The following DIP2C variants were observed in gnomAD, a reference collection of about 807,000 sequenced individuals.
The protein encoded by DIP2C is DIP2 acetate--CoA ligase C (putative).
A neutral mutation model predicts 192.4 loss-of-function variants in DIP2C; 33 were observed. That is an observed-to-expected ratio of 0.17 (90% CI 0.13 to 0.23). The LOEUF is 0.23. Ranked by LOEUF, DIP2C falls within the 10% of genes least tolerant of loss-of-function variation. The pLI is 1.00. For synonymous variants in DIP2C, 979 were observed against 864.1 expected, an observed-to-expected ratio of 1.13 and a Z score of -2.33; for missense variants, 1,537 against 2,110.1, an observed-to-expected ratio of 0.73 and a Z score of 5.32.
intron 4 of DIP2C, among the ~76,000 whole-genome samples, chr10:433,967 T>C (rs1193203726): frequency 6.6e-6 from 1 of 152,138 alleles, no homozygotes; most frequent in Non-Finnish European, 1.5e-5. Context: ...ATCATATCAG[T>C]TACTTTTTTT....
intron 3 of DIP2C, among the ~76,000 whole-genome samples, chr10:469,594 G>A (rs1391233003): frequency 6.6e-6 from 1 of 152,170 alleles, no homozygotes; most frequent in Non-Finnish European, 1.5e-5. Flanking sequence ...TGGGACTACA[G>A]GCATGAGCCA....
intron 31 of DIP2C, among the ~76,000 whole-genome samples, chr10:316,584 A>G (rs538131760): frequency 2.7e-4 from 41 of 152,284 alleles, no homozygotes; most frequent in African/African-American, 9.6e-4. Flanking sequence ...TTGAAGTGTG[A>G]GTGGAGTTCC....
intron 29 of DIP2C, among the ~76,000 whole-genome samples, chr10:339,034 G>A (rs919050667): frequency 6.6e-5 from 10 of 151,868 alleles, no homozygotes; most frequent in Non-Finnish European, 7.4e-5. Flanking sequence ...CACCCTGCGC[G>A]GCTGCCCCCA....
chr10:293,489 T>TA (rs1164124002), intron 32 of DIP2C, among the ~76,000 whole-genome samples: 1 of 152,180 alleles, frequency 6.6e-6, no homozygotes, highest in Non-Finnish European at 1.5e-5. Context: ...AAATACCCAA[T>TA]ATAATAAGAC....
chr10:490,624 A>T (rs554842511), intron 1 of DIP2C, among the ~76,000 whole-genome samples: 9 of 152,220 alleles, frequency 5.9e-5, no homozygotes, highest in African/African-American at 1.9e-4. Flanking sequence ...TCCAAACAGC[A>T]TATTTTCCTG....
chr10:532,646 G>GGT (rs1380426008), intron 1 of DIP2C, among the ~76,000 whole-genome samples: 1 of 101,742 alleles, frequency 9.8e-6, no homozygotes, highest in African/African-American at 5.0e-5. Flanking sequence ...AGAGAGTATG[G>GGT]GTGTGAGAGA....
intron 1 of DIP2C, among the ~76,000 whole-genome samples, chr10:619,640 C>T (rs1237522580): frequency 6.6e-6 from 1 of 151,164 alleles, no homozygotes; most frequent in Non-Finnish European, 1.5e-5. Context: ...AGCTGTGAAC[C>T]TGGTTACCCT....
chr10:321,277 A>T (rs1956996687), intron 31 of DIP2C, among the ~76,000 whole-genome samples: 1 of 152,222 alleles, frequency 6.6e-6, no homozygotes, highest in Admixed American at 6.5e-5. Context: ...ACTGCTCAGG[A>T]GCACCGGTGA....
chr10:516,262 G>C (rs192785252), intron 1 of DIP2C, among the ~76,000 whole-genome samples: 2 of 108,364 alleles, frequency 1.8e-5, no homozygotes, highest in African/African-American at 7.6e-5. Flanking sequence ...ACCTGTTGTT[G>C]ACCTGCTTTC....
chr10:313,290 C>A (rs1956637071), intron 31 of DIP2C, among the ~76,000 whole-genome samples: 1 of 152,142 alleles, frequency 6.6e-6, no homozygotes, highest in African/African-American at 2.4e-5. Flanking sequence ...ACAGCATTAA[C>A]CCATTCCAAC....
intron 26 of DIP2C, among the ~76,000 whole-genome samples, chr10:347,470 C>A: frequency 8.5e-6 from 1 of 118,308 alleles, no homozygotes; most frequent in African/African-American, 3.3e-5. Flanking sequence ...ATAGTTCTCC[C>A]GGAAACCCCA....
intron 2 of DIP2C, among the ~76,000 whole-genome samples, chr10:485,191 A>G (rs1843922943): frequency 6.6e-6 from 1 of 152,232 alleles, no homozygotes; most frequent in Admixed American, 6.5e-5. Context: ...GCAAGGCAAG[A>G]AAGTTAAAAC....
chr10:614,777 C>T (rs1305188117), intron 1 of DIP2C, among the ~76,000 whole-genome samples: 2 of 152,222 alleles, frequency 1.3e-5, no homozygotes, highest in African/African-American at 2.4e-5. Flanking sequence ...CCGGGTATCG[C>T]GGCTCCAGGG....
chr10:664,976 T>C (rs1400007325), intron 1 of DIP2C: 1 of 151,880 alleles, frequency 6.6e-6, no homozygotes, highest in Non-Finnish European at 1.5e-5. Flanking sequence ...AACAAGAAAA[T>C]ATCTACTGAA....
chr10:639,872 C>T (rs2131932197), intron 1 of DIP2C, among the ~76,000 whole-genome samples: 1 of 152,354 alleles, frequency 6.6e-6, no homozygotes, highest in South Asian at 2.1e-4. Flanking sequence ...TCCATTGATG[C>T]TGCTTAAAGC....
At chr10:572,926 A>C (rs1456073486) in intron 1 of DIP2C, among the ~76,000 whole-genome samples, 1 of 152,148 alleles carries the variant, frequency 6.6e-6, no homozygotes, top group Non-Finnish European at 1.5e-5. Flanking sequence ...GCAGAGAGAG[A>C]CTTTCAAGAC....
rs79886299 is a variant in DIP2C, at chr10:514,304, C to T, written c.86-27774G>A. Among the ~76,000 whole-genome samples, 104 of 152,298 alleles carry T rather than the reference C, an allele frequency of 6.8e-4. 1 individual carries two copies. The East Asian group carries it at 0.019, about 28-fold the overall frequency. Reference sequence around the variant, plus strand: ...TACGTCAAGCTTGTTGAAGGCATGGCAACCCCACTCCTGGCCCAATTAAGT... The same window carrying T: ...TACGTCAAGCTTGTTGAAGGCATGGTAACCCCACTCCTGGCCCAATTAAGT... On this transcript the variant is annotated intron_variant, in intron 1 of 36. Transcript: ENST00000280886.
intron 1 of DIP2C, among the ~76,000 whole-genome samples, chr10:581,242 C>A (rs1252070616): frequency 6.6e-6 from 1 of 152,030 alleles, no homozygotes; most frequent in African/African-American, 2.4e-5. Flanking sequence ...GGGGAAAAAA[C>A]AACAAAAACA....
At chr10:454,346 AAAGT>A (rs1969105364) in intron 3 of DIP2C, among the ~76,000 whole-genome samples, 1 of 152,238 alleles carries the variant, frequency 6.6e-6, no homozygotes. Flanking sequence ...AGCGTTTCTT[AAAGT>A]ACTAAAAAGG....
Sources: gnomAD v4.1 joint callset for allele counts (sites outside exome capture counted in the v4.1 genomes callset) on GRCh38, gnomAD v4.1.1 for gene constraint, MANE v1.5 for transcripts, NCBI Gene and HGNC (gene_info 2026-07-23, HGNC 2026-07-21) for gene names.